The following YLPM1 variants were observed in gnomAD, a reference collection of about 807,000 sequenced individuals.
YLPM1 encodes the protein YLP motif-containing protein 1.
In YLPM1, 99 loss-of-function variants were observed where a neutral mutation model predicts 230.0. The observed-to-expected ratio is 0.43, with a 90% CI of 0.37 to 0.51. The LOEUF is 0.51. YLPM1 is among the 20% of genes least tolerant of loss of function. The probability of loss-of-function intolerance (pLI) is 0.00; values close to 1 mark genes in which losing one functional copy is unlikely to be tolerated. For synonymous variants in YLPM1, 984 were observed against 942.5 expected (o/e 1.04, Z -0.81); for missense variants, 2,592 against 2,707.7 (o/e 0.96, Z 0.95).
rs1407786937 is a variant in YLPM1, at chr14:74,782,298, G to A, written c.2255G>A (p.Ser752Asn). 1 of 1,533,456 alleles carries A rather than the reference G, an allele frequency of 6.5e-7. No homozygotes were observed. Among genetic ancestry groups the A allele is most frequent in the Admixed American group, 2.1e-5 (1 of 47,078 alleles). The allele number at this position is 1,533,456 out of a possible 1,614,324, so 95.0% of individuals were successfully genotyped here. A position where few individuals can be genotyped will look rare whatever the true frequency, so the allele number is the denominator to read the frequency against. ...CTGCTTCCAGATCCTCCTAGAAGTA[G>A]TTACTTGGAAAGTCCAAGAGGCCCA... ...GGLLPDPPRSSYLESPRGPRF... is the reference protein window; with the variant it reads ...GGLLPDPPRSNYLESPRGPRF... Residue 752 changes from serine (S) to asparagine (N), a missense_variant, in exon 4 of 21, where the codon AGT (serine) becomes AAT (asparagine). This residue lies in a region of YLPM1 where 1,862 missense variants were observed against 1,819.8 expected (regional missense o/e 1.02). Transcript: ENST00000325680.
At chr14:74,768,354 A>G (rs1290279592) in intron 1 of YLPM1, among the ~76,000 whole-genome samples, 4 of 152,054 alleles carry the variant, frequency 2.6e-5, no homozygotes, top group Admixed American at 6.6e-5. Context: ...GGTTCAAACA[A>G]TTCTGCCCTA....
intron 11 of YLPM1, 112 bp downstream of exon 11, chr14:74,812,894 T>C (rs2091447465): frequency 7.4e-7 from 1 of 1,348,274 alleles, no homozygotes; most frequent in East Asian, 2.6e-5. Flanking sequence ...AATATCAGAT[T>C]CAAGACGTTT....
intron 1 of YLPM1, among the ~76,000 whole-genome samples, chr14:74,777,025 C>T (rs2091047749): frequency 6.6e-6 from 1 of 151,916 alleles, no homozygotes; most frequent in Admixed American, 6.6e-5. Flanking sequence ...CACTACACTC[C>T]AGCCTGGGTG....
chr14:74,791,348 C>G (rs1355830032), intron 4 of YLPM1, among the ~76,000 whole-genome samples: 1 of 152,128 alleles, frequency 6.6e-6, no homozygotes, highest in Non-Finnish European at 1.5e-5. Context: ...CAAATGGTTT[C>G]AACAATTTCT....
intron 1 of YLPM1, among the ~76,000 whole-genome samples, chr14:74,766,830 A>C (rs1359124089): frequency 1.3e-5 from 2 of 150,018 alleles, no homozygotes; most frequent in African/African-American, 4.9e-5. Context: ...TCATCCCTAC[A>C]TTCTTAGTCA....
chr14:74,792,487 C>G (rs949142093), intron 4 of YLPM1, among the ~76,000 whole-genome samples: 3 of 152,110 alleles, frequency 2.0e-5, no homozygotes, highest in Non-Finnish European at 4.4e-5. Flanking sequence ...TAAAGAGATA[C>G]AGTTTACATT....
chr14:74,826,444 T>C (rs1193040726), intron 18 of YLPM1, among the ~76,000 whole-genome samples: 1 of 152,164 alleles, frequency 6.6e-6, no homozygotes, highest in Non-Finnish European at 1.5e-5. Flanking sequence ...TCTTGGAAAA[T>C]GATTATACTG....
chr14:74,799,370 A>C lies in YLPM1; in HGVS notation c.4073A>C (p.Glu1358Ala). The change falls in exon 5 of 21, where the codon GAG (glutamate) becomes GCG (alanine). Residue 1358 changes from glutamate (E) to alanine (A), a missense_variant. Transcript: ENST00000325680. ...DDRWREERNR[E>A]HGYDRDFRDR... ...AGATGGAGAGAAGAAAGAAATCGAG[A>C]GCATGGGTATGATCGAGATTTCCGT... The C allele has an allele frequency of 6.2e-7, 1 of 1,613,978 alleles. No homozygotes were observed. Among genetic ancestry groups the C allele is most frequent in the Non-Finnish European group, 8.5e-7 (1 of 1,179,882 alleles).
Position 74,829,262 on chromosome 14 carries a change from G to T in YLPM1, c.6213G>T (p.Glu2071Asp). 1 of 1,613,320 alleles carries T rather than the reference G, an allele frequency of 6.2e-7. No homozygotes were observed. Among genetic ancestry groups the T allele is most frequent in the South Asian group, 1.1e-5 (1 of 91,070 alleles). ...RTGTKRKRDW[E>D]AIASRMEDYL... Reference sequence around the variant, plus strand: ...GTACTAAAAGGAAACGTGACTGGGAGGCCATTGCCAGCAGAATGGAGGATT... The same window carrying T: ...GTACTAAAAGGAAACGTGACTGGGATGCCATTGCCAGCAGAATGGAGGATT... The change falls in exon 19 of 21, where the codon GAG (glutamate) becomes GAT (aspartate). Residue 2071 changes from glutamate to aspartate, a missense_variant. Coordinates refer to ENST00000325680, the MANE Select transcript of YLPM1 (RefSeq NM_019589.3).
chr14:74,829,175 C>G, intron 18 of YLPM1, 38 bp from the exon 19 acceptor site: 5 of 1,610,230 alleles, frequency 3.1e-6, no homozygotes, highest in Non-Finnish European at 4.2e-6. Flanking sequence ...CAAACTCACA[C>G]TCTTCCTTAA....
Position 74,781,819 on chromosome 14 carries a change from C to A in YLPM1, c.1776C>A (p.Pro592=), listed in dbSNP as rs2091097149. 6.2e-7 allele frequency: 1 copy of A among 1,612,024 alleles called. No homozygotes were observed. Among genetic ancestry groups the A allele is most frequent in the Admixed American group, 1.7e-5 (1 of 59,842 alleles). ...LSSAGPPPVL[P]PPSLSSAGPP... ...CTGCAGGGCCACCACCAGTTCTCCC[C>A]CCACCTTCCCTGTCTTCTGCAGGGC... The change falls in exon 4 of 21, where the codon CCC becomes CCA. Residue 592 remains proline (P), a synonymous_variant. Coordinates refer to ENST00000325680, the MANE Select transcript of YLPM1 (RefSeq NM_019589.3).
At chr14:74,765,739 G>C (rs974948389) in intron 1 of YLPM1, among the ~76,000 whole-genome samples, 2 of 152,138 alleles carry the variant, frequency 1.3e-5, no homozygotes, top group African/African-American at 4.8e-5. Flanking sequence ...CTTTTTTTGG[G>C]AGGAGTGTGT....
chr14:74,784,558 A>G (rs186823102), intron 4 of YLPM1, among the ~76,000 whole-genome samples: 1 of 152,378 alleles, frequency 6.6e-6, no homozygotes, highest in African/African-American at 2.4e-5. Flanking sequence ...CTTTAAGTCC[A>G]TTGTACTTTC....
intron 1 of YLPM1, among the ~76,000 whole-genome samples, chr14:74,768,668 G>T (rs28567642): frequency 0.15 from 22,318 of 152,126 alleles, 1,788 homozygotes; most frequent in South Asian, 0.29. Context: ...AAATACTTAC[G>T]GACTAGCAAC....
At position 74,837,288 on chromosome 14, in the gene YLPM1, TTAAA is replaced by T. The variant is rs1177140686; in HGVS notation, c.*1554_*1557del. On this transcript the variant is annotated 3_prime_UTR_variant, in exon 21 of 21. Transcript: ENST00000325680. Reference sequence around the variant, plus strand: ...AATATTGAATGTATAAATTGCTACATTAAATAACTTCTGCTGTTTGTAGTATTTA... The same window carrying T: ...AATATTGAATGTATAAATTGCTACATTAACTTCTGCTGTTTGTAGTATTTA... The T allele has an allele frequency of 6.6e-6, 1 of 152,228 alleles. No homozygotes were observed. The highest frequency in any genetic ancestry group is 2.4e-5 in the African/African-American group (1 of 41,462). The allele number at this position is 152,228 out of a possible 1,614,324, so 9.4% of individuals were successfully genotyped here.
At chr14:74,771,083 G>A (rs912539649) in intron 1 of YLPM1, among the ~76,000 whole-genome samples, 1 of 152,126 alleles carries the variant, frequency 6.6e-6, no homozygotes, top group Non-Finnish European at 1.5e-5. Flanking sequence ...GTGGATGGTG[G>A]TCAAATTTAC....
At chr14:74,810,530 T>A in intron 9 of YLPM1, 110 bp downstream of exon 9, 2 of 1,159,962 alleles carry the variant, frequency 1.7e-6, no homozygotes, top group Non-Finnish European at 2.4e-6. Flanking sequence ...TGTGTATATG[T>A]AATTTGGAGG....
Position 74,809,387 on chromosome 14 carries a change from G to C in YLPM1, c.4529G>C (p.Gly1510Ala). The change falls in exon 7 of 21, where the codon GGG (glycine) becomes GCG (alanine). Residue 1510 changes from glycine to alanine, a missense_variant. By Grantham distance (60) the Gly-to-Ala change is moderately conservative. Around this residue, in one of 4 missense-constraint regions of YLPM1, gnomAD observed 403 missense variants for 426.7 expected, o/e 0.94. Transcript: ENST00000325680. ...SSRPGMYPPPGSYRPPPPMGK... is the reference protein window; with the variant it reads ...SSRPGMYPPPASYRPPPPMGK... ...ATTTATTCTGTTCTCTAGCCTCCAG[G>C]GTCGTATAGACCTCCCCCTCCTATG... 1.2e-6 allele frequency: 2 copies of C among 1,607,690 alleles called. No individual in the cohort carries two copies. The highest frequency in any genetic ancestry group is 1.7e-6 in the Non-Finnish European group (2 of 1,176,912).
Position 74,800,382 on chromosome 14 carries a change from A to G in YLPM1, c.4400+685A>G, listed in dbSNP as rs1291244443. On this transcript the variant is annotated intron_variant, in intron 5 of 20. Transcript: ENST00000325680. ...TGTGGTAACAACAATAACAAAAGCT[A>G]ACATTTATTGCATGCTTACTCCGGG... Among the ~76,000 whole-genome samples the G allele has an allele frequency of 2.6e-5, 4 of 152,232 alleles. No homozygotes were observed. The East Asian group carries it at 7.7e-4, about 29-fold the overall frequency.
Sources: gnomAD v4.1 joint callset for allele counts (sites outside exome capture counted in the v4.1 genomes callset) on GRCh38, gnomAD v4.1.1 for gene constraint, gnomAD v4.1.1 regional missense constraint, MANE v1.5 for transcripts, NCBI Gene and HGNC (gene_info 2026-07-23, HGNC 2026-07-21) for gene names.